The following COA1 variants were observed in gnomAD, a reference collection of about 807,000 sequenced individuals.
COA1 encodes cytochrome c oxidase assembly factor 1 homolog.
In COA1, 13 loss-of-function variants were observed where a neutral mutation model predicts 16.0. The ratio of observed to expected loss-of-function variants is 0.81; its 90% CI spans 0.53 to 1.29. The LOEUF (loss-of-function observed/expected upper bound fraction) is 1.29. Ranked by LOEUF, COA1 falls within the 50% of genes most tolerant of loss-of-function variation. The pLI is 0.00. For missense variants in COA1, 179 were observed against 177.0 expected, an observed-to-expected ratio of 1.01 and a Z score of -0.06; for synonymous variants, 65 against 65.7, an observed-to-expected ratio of 0.99 and a Z score of 0.05.
At chr7:43,719,140 G>T (rs961125291) in intron 1 of COA1, among the ~76,000 whole-genome samples, 4 of 151,942 alleles carry the variant, frequency 2.6e-5, no homozygotes, top group Non-Finnish European at 5.9e-5. Context: ...GCTAATTTTT[G>T]TATTTTTAGT....
intron 6 of COA1, among the ~76,000 whole-genome samples, chr7:43,612,798 G>T (rs1487887001): frequency 6.6e-6 from 1 of 152,094 alleles, no homozygotes; most frequent in South Asian, 2.1e-4. Context: ...AATAGAGCTG[G>T]GAAAGTTCTT....
intron 4 of COA1, among the ~76,000 whole-genome samples, chr7:43,643,384 A>G (rs2087718021): frequency 6.6e-6 from 1 of 152,212 alleles, no homozygotes; most frequent in Non-Finnish European, 1.5e-5. Context: ...TGGCTTTTCC[A>G]AGTTCTCAGG....
chr7:43,615,428 C>T (rs146860102), intron 6 of COA1, among the ~76,000 whole-genome samples: 285 of 152,240 alleles, frequency 1.9e-3, no homozygotes, highest in Middle Eastern at 3.4e-3. Context: ...CCACTCACCT[C>T]GGCCTCCCAA....
chr7:43,636,311 T>TATCA (rs540708676), downstream of COA1, among the ~76,000 whole-genome samples: 201 of 152,302 alleles, frequency 1.3e-3, 1 homozygote, highest in African/African-American at 4.7e-3. Context: ...GAGGTTTTCC[T>TATCA]ATCAATCACC....
chr7:43,717,220 C>A (rs1220927866), intron 1 of COA1, among the ~76,000 whole-genome samples: 2 of 152,204 alleles, frequency 1.3e-5, no homozygotes, highest in East Asian at 3.8e-4. Context: ...TGACAGCTTG[C>A]ACCATCCACC....
intron 1 of COA1, among the ~76,000 whole-genome samples, chr7:43,691,270 AAAG>A (rs1178744659): frequency 0.091 from 6,913 of 75,698 alleles, 679 homozygotes; most frequent in African/African-American, 0.19. Context: ...GAAAGAAAAG[AAAG>A]AAAGAAAGAA....
chr7:43,688,503 G>A (rs1051295285), intron 1 of COA1, among the ~76,000 whole-genome samples: 1 of 151,930 alleles, frequency 6.6e-6, no homozygotes, highest in African/African-American at 2.4e-5. Context: ...AGTCTTCCAG[G>A]ATTAAAAACC....
At chr7:43,635,937 TATTA>T (rs1024991935), downstream of COA1, among the ~76,000 whole-genome samples, 39 of 152,176 alleles carry the variant, frequency 2.6e-4, no homozygotes, top group African/African-American at 8.2e-4. Flanking sequence ...CTTGGCGGCT[TATTA>T]TTTAATAATA....
At chr7:43,691,298 AAAG>A (rs2094299949) in intron 1 of COA1, among the ~76,000 whole-genome samples, 1 of 102,670 alleles carries the variant, frequency 9.7e-6, no homozygotes, top group African/African-American at 3.9e-5. Context: ...AGAAAGAAAG[AAAG>A]AAAGAAAGAA....
chr7:43,697,532 T>C (rs560958741), intron 1 of COA1, among the ~76,000 whole-genome samples: 205 of 152,290 alleles, frequency 1.3e-3, no homozygotes, highest in African/African-American at 4.6e-3. Context: ...GTGATCCGCC[T>C]GCCTCGGCTT....
intron 1 of COA1, among the ~76,000 whole-genome samples, chr7:43,664,431 C>G (rs1468315631): frequency 2.6e-5 from 4 of 152,000 alleles, no homozygotes; most frequent in Non-Finnish European, 5.9e-5. Context: ...CAGTAGTTAC[C>G]TCTGGGGAAT....
chr7:43,673,543 T>C (rs1262514339), intron 1 of COA1, among the ~76,000 whole-genome samples: 2 of 152,214 alleles, frequency 1.3e-5, no homozygotes, highest in African/African-American at 2.4e-5. Flanking sequence ...ATACTGCTAG[T>C]AGGAATGTAA....
intron 1 of COA1, among the ~76,000 whole-genome samples, chr7:43,680,819 G>T (rs1456629108): frequency 6.6e-6 from 1 of 151,916 alleles, no homozygotes; most frequent in Non-Finnish European, 1.5e-5. Context: ...AAATACAAAA[G>T]AATTAGCCAA....
intron 6 of COA1, among the ~76,000 whole-genome samples, chr7:43,614,524 T>G (rs1373755771): frequency 6.6e-6 from 1 of 152,234 alleles, no homozygotes; most frequent in African/African-American, 2.4e-5. Context: ...ATCGAAGAAC[T>G]AACAGAGCTT....
intron 1 of COA1, among the ~76,000 whole-genome samples, chr7:43,693,983 TC>T (rs2094452436): frequency 6.6e-6 from 1 of 151,794 alleles, no homozygotes. Flanking sequence ...TCCTCTGCTT[TC>T]CTCAGGCTCA....
At chr7:43,611,149 T>G (rs1431021108) in intron 6 of COA1, among the ~76,000 whole-genome samples, 1 of 152,166 alleles carries the variant, frequency 6.6e-6, no homozygotes, top group Non-Finnish European at 1.5e-5. Flanking sequence ...GTGTGTATAA[T>G]CTGGAGGTTG....
chr7:43,630,494 T>A (rs1278297848), intron 6 of COA1, among the ~76,000 whole-genome samples: 1 of 152,202 alleles, frequency 6.6e-6, no homozygotes, highest in Non-Finnish European at 1.5e-5. Flanking sequence ...ACCTAGAAGA[T>A]AAAGTATTTG....
chr7:43,711,731 T>C (rs555331134), intron 1 of COA1, among the ~76,000 whole-genome samples: 1 of 152,300 alleles, frequency 6.6e-6, no homozygotes, highest in South Asian at 2.1e-4. Flanking sequence ...AGGTACAGCA[T>C]GTCACTGTAC....
intron 1 of COA1, among the ~76,000 whole-genome samples, chr7:43,654,077 T>C (rs569762224): frequency 5.3e-4 from 81 of 152,240 alleles, no homozygotes; most frequent in African/African-American, 1.1e-3. Context: ...AAGAGAAACA[T>C]GTCCATGGAC....
Sources: allele counts gnomAD v4.1 joint callset (sites outside exome capture counted in the v4.1 genomes callset), GRCh38; gene constraint gnomAD v4.1.1; transcripts MANE v1.5; gene names NCBI Gene and HGNC (gene_info 2026-07-23, HGNC 2026-07-21).